OSBPL9: variants seen among roughly 807,000 people sequenced by gnomAD.
OSBPL9 encodes oxysterol-binding protein-related protein 9.
In OSBPL9, 40 loss-of-function variants were observed where a neutral mutation model predicts 106.6. That is an observed-to-expected ratio of 0.38 (90% CI 0.29 to 0.49). The LOEUF (loss-of-function observed/expected upper bound fraction) is 0.49, where lower values mean the gene tolerates loss of function less well. OSBPL9 is among the 20% of genes least tolerant of loss of function. The pLI is 0.97. For missense variants in OSBPL9, 609 were observed against 887.2 expected (o/e 0.69, Z 3.98); for synonymous variants, 269 against 295.4 (o/e 0.91, Z 0.92).
intron 1 of OSBPL9, among the ~76,000 whole-genome samples, chr1:51,584,575 GTGT>G (rs1233256816): frequency 1.3e-5 from 2 of 152,076 alleles, no homozygotes; most frequent in Admixed American, 1.3e-4. Context: ...AATTAGCCAG[GTGT>G]TGTGGTGGGT....
At chr1:51,768,064 C>T (rs1282436573) in intron 12 of OSBPL9, among the ~76,000 whole-genome samples, 1 of 149,796 alleles carries the variant, frequency 6.7e-6, no homozygotes, top group Non-Finnish European at 1.5e-5. Context: ...GCCTCAGCCT[C>T]CCGAGTAGCT....
the OSBPL9 span, among the ~76,000 whole-genome samples, chr1:51,525,598 G>A: frequency 2.0e-5 from 3 of 152,048 alleles, no homozygotes; most frequent in African/African-American, 7.2e-5. Flanking sequence ...AGAAAGTTCT[G>A]TCGGCTCGAT....
chr1:51,626,386 C>A (rs1644766960), intron 1 of OSBPL9, among the ~76,000 whole-genome samples: 1 of 152,144 alleles, frequency 6.6e-6, no homozygotes, highest in South Asian at 2.1e-4. Context: ...TCTCTCCTCT[C>A]TCTATTTAAC....
chr1:51,745,424 G>T (rs954367364), intron 4 of OSBPL9, 112 bp from the exon 5 acceptor site: 2 of 1,449,716 alleles, frequency 1.4e-6, no homozygotes, highest in Admixed American at 4.6e-5. Flanking sequence ...TGTCAAAATA[G>T]AACTGTATTT....
chr1:51,762,648 A>AT (rs1301280823), intron 11 of OSBPL9, among the ~76,000 whole-genome samples: 1 of 152,162 alleles, frequency 6.6e-6, no homozygotes, highest in Non-Finnish European at 1.5e-5. Context: ...CCCCCCAGTA[A>AT]TTTGCATACA....
chr1:51,668,447 C>A (rs907672571), intron 2 of OSBPL9, among the ~76,000 whole-genome samples: 14 of 152,022 alleles, frequency 9.2e-5, no homozygotes, highest in African/African-American at 3.4e-4. Context: ...CAAGGTGAAA[C>A]CCTGTCTGTA....
chr1:51,563,599 C>T, the OSBPL9 span: 2 of 152,284 alleles, frequency 1.3e-5, no homozygotes, highest in East Asian at 1.9e-4. Context: ...TTTCTCACAC[C>T]CATTGGAAAG....
chr1:51,641,466 A>C (rs1159006298), intron 1 of OSBPL9, among the ~76,000 whole-genome samples: 1 of 152,242 alleles, frequency 6.6e-6, no homozygotes, highest in Admixed American at 6.5e-5. Flanking sequence ...CACATTAAGT[A>C]AGCCATAGAA....
intron 11 of OSBPL9, among the ~76,000 whole-genome samples, chr1:51,763,038 C>T (rs1417803822): frequency 6.6e-6 from 1 of 152,118 alleles, no homozygotes; most frequent in Non-Finnish European, 1.5e-5. Flanking sequence ...TGGAGTCTCA[C>T]TCTGTTGCCC....
chr1:51,723,280 A>G (rs1439212475), intron 4 of OSBPL9, among the ~76,000 whole-genome samples: 1 of 152,172 alleles, frequency 6.6e-6, no homozygotes, highest in East Asian at 1.9e-4. Context: ...TACCCTAAAA[A>G]TCCAGTGTGC....
chr1:51,756,867 A>G (rs950367554), intron 9 of OSBPL9: 5 of 152,252 alleles, frequency 3.3e-5, no homozygotes, highest in African/African-American at 9.6e-5. Flanking sequence ...TCTTTCTCTT[A>G]TAACCATCTT....
the OSBPL9 span, among the ~76,000 whole-genome samples, chr1:51,557,052 G>A: frequency 3.3e-3 from 498 of 151,950 alleles, 1 homozygote; most frequent in African/African-American, 0.011. Flanking sequence ...TTGCATGCCT[G>A]TATCAAAATA....
chr1:51,704,726 A>G (rs889456304), intron 3 of OSBPL9, among the ~76,000 whole-genome samples: 1 of 152,188 alleles, frequency 6.6e-6, no homozygotes, highest in Non-Finnish European at 1.5e-5. Flanking sequence ...GCCTCGTCAC[A>G]TTAAAGAGGG....
At chr1:51,784,926 G>A (rs1677246420) in intron 20 of OSBPL9, 1 of 276,726 alleles carries the variant, frequency 3.6e-6, no homozygotes, top group Non-Finnish European at 6.8e-6. Context: ...AGCAGACTTT[G>A]TGACCCCTGC....
At chr1:51,550,192 T>C in the OSBPL9 span, among the ~76,000 whole-genome samples, 1 of 152,328 alleles carries the variant, frequency 6.6e-6, no homozygotes, top group East Asian at 1.9e-4. Context: ...GAGCACATTG[T>C]AGAAGCTCCA....
intron 2 of OSBPL9, among the ~76,000 whole-genome samples, chr1:51,660,072 G>GCGTT (rs1647043618): frequency 6.6e-6 from 1 of 152,076 alleles, no homozygotes; most frequent in African/African-American, 2.4e-5. Flanking sequence ...ATATGATAGA[G>GCGTT]CGTTACAAAT....
chr1:51,607,789 G>A (rs948587166), intron 2 of OSBPL9, among the ~76,000 whole-genome samples: 7 of 152,224 alleles, frequency 4.6e-5, no homozygotes, highest in African/African-American at 1.7e-4. Flanking sequence ...AGGGGCATAT[G>A]GCACAGTGAG....
At chr1:51,534,605 A>C in the OSBPL9 span, among the ~76,000 whole-genome samples, 1 of 152,272 alleles carries the variant, frequency 6.6e-6, no homozygotes, top group East Asian at 1.9e-4. Context: ...GAACAGTCAG[A>C]TCCTCCCAGG....
chr1:51,530,362 GAC>G, the OSBPL9 span, among the ~76,000 whole-genome samples: 1 of 151,826 alleles, frequency 6.6e-6, no homozygotes, highest in Non-Finnish European at 1.5e-5. Context: ...AAAGTGAAAA[GAC>G]AATCCAAGGA....
Sources: allele counts gnomAD v4.1 joint callset (sites outside exome capture counted in the v4.1 genomes callset), GRCh38; gene constraint gnomAD v4.1.1; transcripts MANE v1.5; gene names NCBI Gene and HGNC (gene_info 2026-07-23, HGNC 2026-07-21).